Variants in BRD2 observed in about 807,000 individuals in gnomAD.
BRD2 encodes bromodomain containing 2, also known as bromodomain-containing protein 2.
Under a neutral mutation model 79.1 loss-of-function variants are expected in BRD2, and 15 were observed. That is an observed-to-expected ratio of 0.19 (90% CI 0.13 to 0.29). The LOEUF (loss-of-function observed/expected upper bound fraction) is 0.29. Among genes scored for constraint, BRD2 ranks in the 10% least tolerant of loss-of-function variants. The pLI is 1.00. For missense variants in BRD2, 1,053 were observed against 991.3 expected (o/e 1.06, Z -0.84); for synonymous variants, 488 against 358.6 (o/e 1.36, Z -4.08).
chr6:32,974,260 T>C (rs1196371775), intron 2 of BRD2, among the ~76,000 whole-genome samples: 2 of 152,184 alleles, frequency 1.3e-5, no homozygotes, highest in Admixed American at 1.3e-4. Context: ...CTAGATAGTA[T>C]ACTAAAAATA....
intron 3 of BRD2, 179 bp from the exon 4 acceptor site, chr6:32,975,203 CTT>C (rs1312451752): frequency 3.1e-6 from 4 of 1,282,162 alleles, no homozygotes; most frequent in East Asian, 2.6e-5. Flanking sequence ...TGTCAAGAAT[CTT>C]TTTTATTTAT....
At chr6:32,970,041 C>A (rs1777804176) in intron 1 of BRD2, among the ~76,000 whole-genome samples, 1 of 152,164 alleles carries the variant, frequency 6.6e-6, no homozygotes, top group South Asian at 2.1e-4. Flanking sequence ...CAGTGATTTT[C>A]CGGAATGCAG....
intron 7 of BRD2, 117 bp from the exon 8 acceptor site, chr6:32,977,325 C>G: frequency 1.2e-6 from 2 of 1,605,202 alleles, no homozygotes; most frequent in African/African-American, 1.3e-5. Flanking sequence ...GGGCACAGAT[C>G]CTTAAGGTCA....
Position 32,980,772 on chromosome 6 carries a change from C to CCCTGCCCCA in BRD2, c.*63_*71dup, listed in dbSNP as rs1267313340. On this transcript the variant is annotated 3_prime_UTR_variant, in exon 13 of 13. Transcript: ENST00000374825. ...TCCGCAGGACCGGACCCCTAGACCA[C>CCCTGCCCCA]CCTGCCCCACCTGCCCCTTCCCCCT... is the stretch of plus-strand genomic sequence containing the variant. The CCCTGCCCCA allele has an allele frequency of 1.3e-6, 2 of 1,594,484 alleles. No individual in the cohort carries two copies. The highest frequency in any genetic ancestry group is 1.7e-6 in the Non-Finnish European group (2 of 1,167,260).
chr6:32,974,598 C>T lies in BRD2; in HGVS notation c.166C>T (p.Leu56Phe), dbSNP rs1582897539. ...PTMASVPALQLTPANPPPPEV... is the reference protein window; with the variant it reads ...PTMASVPALQFTPANPPPPEV... ...AATGGCTTCGGTGCCTGCTTTGCAA[C>T]TTACCCCTGCCAACCCACCACCCCC... is the stretch of plus-strand genomic sequence containing the variant. The change falls in exon 3 of 13, where the codon CTT becomes TTT. Residue 56 changes from leucine (L) to phenylalanine (F), a missense_variant. Transcript: ENST00000374825. The T allele has an allele frequency of 1.9e-6, 3 of 1,614,256 alleles. No homozygotes were observed. The East Asian group carries it at 6.7e-5, about 36-fold the overall frequency.
Position 32,974,698 on chromosome 6 carries a change from C to G in BRD2, c.266C>G (p.Ala89Gly), listed in dbSNP as rs1452941765. Residue 89 changes from alanine (A) to glycine (G), a missense_variant, in exon 3 of 13, where the codon GCT (alanine) becomes GGT (glycine). Coordinates refer to ENST00000374825, the MANE Select transcript of BRD2 (RefSeq NM_005104.4). ...TACCTACACAAGGTAGTGATGAAGG[C>G]TCTGTGGAAACATCAGTTCGCATGG... ...LQYLHKVVMKALWKHQFAWPF... is the reference protein window; with the variant it reads ...LQYLHKVVMKGLWKHQFAWPF... 9.3e-6 allele frequency: 15 copies of G among 1,614,212 alleles called. No individual in the cohort carries two copies. The highest frequency in any genetic ancestry group is 1.3e-5 in the Non-Finnish European group (15 of 1,180,040).
intron 2 of BRD2, among the ~76,000 whole-genome samples, chr6:32,974,147 G>A (rs1379429534): frequency 6.6e-6 from 1 of 152,156 alleles, no homozygotes; most frequent in Non-Finnish European, 1.5e-5. Context: ...CATCCCCATA[G>A]GGCTGTAGTT....
At chr6:32,970,948 C>G (rs1777894356) in intron 1 of BRD2, 1 of 148,530 alleles carries the variant, frequency 6.7e-6, no homozygotes, top group African/African-American at 2.5e-5. Context: ...TCCTCCCTGG[C>G]GCTGACCGAT....
intron 10 of BRD2, 31 bp from the exon 11 acceptor site, chr6:32,979,797 T>C (rs1304268263): frequency 1.3e-6 from 2 of 1,597,240 alleles, no homozygotes; most frequent in South Asian, 2.2e-5. Flanking sequence ...TTAATGAAGC[T>C]TCTTTTGCTG....
intron 2 of BRD2, chr6:32,973,208 G>A (rs1778267825): frequency 6.7e-7 from 1 of 1,493,130 alleles, no homozygotes; most frequent in Non-Finnish European, 9.1e-7. Flanking sequence ...ACGGTGGAGT[G>A]GAGTGAGGTT....
chr6:32,980,074 T>C lies in BRD2; in HGVS notation c.2088T>C (p.Leu696=). ...IDFETLKPST[L]RELERYVLSC... ...TTGAAACACTCAAGCCATCCACACTTAGAGAGCTTGAGCGCTATGTCCTTT... is the reference window on the plus strand; with the variant it reads ...TTGAAACACTCAAGCCATCCACACTCAGAGAGCTTGAGCGCTATGTCCTTT... Residue 696 remains leucine, a synonymous_variant, in exon 11 of 13, where the codon CTT becomes CTC. Coordinates refer to ENST00000374825, the MANE Select transcript of BRD2 (RefSeq NM_005104.4). 1 of 1,612,944 alleles carries C rather than the reference T, an allele frequency of 6.2e-7. No individual in the cohort carries two copies. Among genetic ancestry groups the C allele is most frequent in the Admixed American group, 1.7e-5 (1 of 60,018 alleles).
chr6:32,977,093 T>C (rs750917382), intron 7 of BRD2, 157 bp downstream of exon 7: 8 of 1,262,066 alleles, frequency 6.3e-6, no homozygotes, highest in Non-Finnish European at 8.5e-6. Context: ...GTTTTGAGAA[T>C]TTGTATTTCT....
In BRD2 at chr6:32,972,134, C is replaced by G. The variant is rs1778078176; in HGVS notation, c.-765C>G. 3.0e-6 allele frequency: 2 copies of G among 664,074 alleles called. No homozygotes were observed. Among genetic ancestry groups the G allele is most frequent in the Non-Finnish European group, 5.5e-6 (2 of 364,288 alleles). The allele number at this position is 664,074 out of a possible 1,614,324, so 41.1% of individuals were successfully genotyped here. On this transcript the variant is annotated 5_prime_UTR_variant, in exon 2 of 13. Transcript: ENST00000374825. ...GGGGAAAAGCTCAAGCAGGGTGGCG[C>G]GCATGAGCGGCGAAGCTCCTCCTCC...
chr6:32,975,653 T>A (rs988630989), intron 4 of BRD2, 132 bp downstream of exon 4: 122 of 1,140,202 alleles, frequency 1.1e-4, no homozygotes, highest in African/African-American at 1.6e-5. Context: ...AGTCGGAGTC[T>A]TAAAAACCTG....
rs770077608 is a variant in BRD2 at position 32,976,275 on chromosome 6, C to A, written c.636C>A (p.Ala212=). The part of the protein sequence containing the change: ...LAALQGSVTS[A]HQVPAVSSVS... Reference sequence around the variant, plus strand: ...CGCTCCAGGGCAGTGTTACCAGTGCCCATCAGGTGCCTGCCGTCTCTTCTG... The same window carrying A: ...CGCTCCAGGGCAGTGTTACCAGTGCACATCAGGTGCCTGCCGTCTCTTCTG... The change falls in exon 6 of 13, where the codon GCC becomes GCA. Residue 212 remains alanine (A), a synonymous_variant. Transcript: ENST00000374825. 3.1e-6 allele frequency: 5 copies of A among 1,613,052 alleles called. No homozygotes were observed. The highest frequency in any genetic ancestry group is 4.2e-6 in the Non-Finnish European group (5 of 1,180,026).
Position 32,972,729 on chromosome 6 carries a change from C to T in BRD2, c.-170C>T, listed in dbSNP as rs1209580715. On this transcript the variant is annotated 5_prime_UTR_variant, in exon 2 of 13. Transcript: ENST00000374825. ...AAGCTGCCCGGAGCTCTCCGAGAGG[C>T]CCCAAAGAGACTGCTTTCGTGCCGG... 6 of 968,216 alleles carry T rather than the reference C, an allele frequency of 6.2e-6. No individual in the cohort carries two copies. Among genetic ancestry groups the T allele is most frequent in the Non-Finnish European group, 9.4e-6 (6 of 639,268 alleles). 60.0% of individuals were successfully genotyped at this position (968,216 alleles called of 1,614,324 possible). A position where few individuals can be genotyped will look rare whatever the true frequency, so the allele number is the denominator to read the frequency against.
rs888583240 is a variant in BRD2, at chr6:32,978,107, CAT to C, written c.1579-18_1579-17del. The C allele has an allele frequency of 4.4e-6, 7 of 1,594,806 alleles. No homozygotes were observed. In the African/African-American group the frequency reaches 9.5e-5, roughly 22 times the overall value. On this transcript the variant is annotated splice_polypyrimidine_tract_variant and intron_variant, in intron 9 of 12. Transcript: ENST00000374825. ...TTATCTTTATTTACTTTTTCCACTT[CAT>C]GTTTTTTTTCCTTTAGCTTCGGGCA...
In BRD2 at chr6:32,980,395, C is replaced by T. The variant is rs1294492033; in HGVS notation, c.2200C>T (p.Arg734Trp). The T allele has an allele frequency of 3.1e-6, 5 of 1,612,876 alleles. No individual in the cohort carries two copies. The highest frequency in any genetic ancestry group is 1.6e-4 in the Middle Eastern group (1 of 6,084). Residue 734 changes from arginine (R) to tryptophan (W), a missense_variant, in exon 12 of 13, where the codon CGG becomes TGG. Around this residue, in one of 5 missense-constraint regions of BRD2, gnomAD observed 139 missense variants for 133.2 expected, o/e 1.04. Coordinates refer to ENST00000374825, the MANE Select transcript of BRD2 (RefSeq NM_005104.4). The part of the protein sequence containing the change: ...TKEELALEKK[R>W]ELEKRLQDVS... Reference sequence around the variant, plus strand: ...GGAGGAACTGGCTTTGGAGAAAAAGCGGGAATTAGAAAAGCGGTTACAAGA... The same window carrying T: ...GGAGGAACTGGCTTTGGAGAAAAAGTGGGAATTAGAAAAGCGGTTACAAGA...
Position 32,981,418 on chromosome 6 carries a change from G to C in BRD2, c.*700G>C, listed in dbSNP as rs60466011. The C allele has an allele frequency of 6.6e-6, 1 of 152,182 alleles. No homozygotes were observed. The highest frequency in any genetic ancestry group is 1.9e-4 in the East Asian group (1 of 5,198). The allele number at this position is 152,182 out of a possible 1,614,324, so 9.4% of individuals were successfully genotyped here. A position where few individuals can be genotyped will look rare whatever the true frequency, so the allele number is the denominator to read the frequency against. ...ATTACTGCAGTGAGAAAAGGCAATA[G>C]CTAACCTATAATTGGATTGTCTTAA... is the stretch of plus-strand genomic sequence containing the variant. On this transcript the variant is annotated 3_prime_UTR_variant, in exon 13 of 13. Transcript: ENST00000374825.
Sources: allele counts gnomAD v4.1 joint callset (sites outside exome capture counted in the v4.1 genomes callset), GRCh38; gene constraint gnomAD v4.1.1; regional missense constraint gnomAD v4.1.1; transcripts MANE v1.5; gene names NCBI Gene and HGNC (gene_info 2026-07-23, HGNC 2026-07-21).